Variants in QTGAL observed in about 807,000 individuals in gnomAD.
QTGAL encodes queuosine-tRNA galactosyltransferase.
the QTGAL span, among the ~76,000 whole-genome samples, chr17:82,960,197 AACCCCCCAGCCCC>A: frequency 6.6e-6 from 1 of 152,116 alleles, no homozygotes; most frequent in Non-Finnish European, 1.5e-5. Flanking sequence ...CCCTCCTGCC[AACCCCCCAGCCCC>A]ACCCCGTGAC....
At chr17:82,983,614 A>T in the QTGAL span, among the ~76,000 whole-genome samples, 1 of 152,168 alleles carries the variant, frequency 6.6e-6, no homozygotes, top group Admixed American at 6.5e-5. Flanking sequence ...TGCTGGGGGA[A>T]GGAAAGGAAC....
chr17:83,025,687 G>A, the QTGAL span, among the ~76,000 whole-genome samples: 942 of 144,952 alleles, frequency 6.5e-3, 16 homozygotes, highest in African/African-American at 0.024. Context: ...CCACACACAC[G>A]TAAGAAGAGC....
chr17:83,036,593 C>T, the QTGAL span, among the ~76,000 whole-genome samples: 17 of 152,290 alleles, frequency 1.1e-4, no homozygotes, highest in Middle Eastern at 3.4e-3. Flanking sequence ...TGTGGTTAAA[C>T]GCCAAAGGAA....
At chr17:83,043,731 G>T in the QTGAL span, among the ~76,000 whole-genome samples, 1 of 152,092 alleles carries the variant, frequency 6.6e-6, no homozygotes, top group Admixed American at 6.5e-5. Context: ...ATTCTTTGAA[G>T]AGGGTCAACA....
At chr17:82,942,188 A>G in the QTGAL span, 3 of 552,766 alleles carry the variant, frequency 5.4e-6, no homozygotes, top group Non-Finnish European at 9.5e-6. Context: ...AAAAATTTCA[A>G]ACGTGTGAAT....
At chr17:82,969,885 G>A in the QTGAL span, among the ~76,000 whole-genome samples, 1 of 151,784 alleles carries the variant, frequency 6.6e-6, no homozygotes. Context: ...TCACCATATT[G>A]CCCAGGCTGG....
the QTGAL span, among the ~76,000 whole-genome samples, chr17:82,984,588 G>GAGGACGCA: frequency 6.6e-6 from 1 of 151,484 alleles, no homozygotes; most frequent in African/African-American, 2.4e-5. Flanking sequence ...GAGGCTACAG[G>GAGGACGCA]GTCGTGCAGG....
the QTGAL span, among the ~76,000 whole-genome samples, chr17:82,999,237 G>A: frequency 1.4e-5 from 2 of 148,054 alleles, no homozygotes; most frequent in South Asian, 4.3e-4. Context: ...TATGTTCACT[G>A]TCATGCACAC....
chr17:82,972,213 C>G, the QTGAL span, among the ~76,000 whole-genome samples: 1 of 65,708 alleles, frequency 1.5e-5, no homozygotes, highest in Non-Finnish European at 2.7e-5. Context: ...GCCAGAAGGA[C>G]CTGGTGCCGA....
At chr17:82,944,672 C>T in the QTGAL span, 1 of 152,124 alleles carries the variant, frequency 6.6e-6, no homozygotes, top group Non-Finnish European at 1.5e-5. Context: ...AGCCAGTATC[C>T]CTGGGACCGG....
chr17:83,027,931 T>C, the QTGAL span, among the ~76,000 whole-genome samples: 1 of 151,310 alleles, frequency 6.6e-6, no homozygotes, highest in Non-Finnish European at 1.5e-5. Context: ...CTTGGCAACA[T>C]GGGGAAACCC....
At chr17:82,977,689 C>G in the QTGAL span, among the ~76,000 whole-genome samples, 4 of 152,046 alleles carry the variant, frequency 2.6e-5, no homozygotes, top group African/African-American at 9.7e-5. Context: ...GAAAATCACA[C>G]AGAATCTGTG....
At chr17:83,017,377 C>G in the QTGAL span, among the ~76,000 whole-genome samples, 4 of 152,130 alleles carry the variant, frequency 2.6e-5, 1 homozygote, top group African/African-American at 9.7e-5. Flanking sequence ...AATCCCAGCA[C>G]TTTGGGAGGC....
chr17:83,006,903 C>A, the QTGAL span: 1 of 837,962 alleles, frequency 1.2e-6, no homozygotes, highest in African/African-American at 1.8e-5. This position sits in a 1 kb window ranked among gnomAD's most constrained non-coding sequence, Gnocchi z 5.8. Context: ...TTTACAGGAA[C>A]TTCCAAACAG....
chr17:82,965,695 G>A, the QTGAL span: 6 of 1,612,372 alleles, frequency 3.7e-6, no homozygotes, highest in East Asian at 2.2e-5. Flanking sequence ...AACCACGCTC[G>A]CGAGCAGAAC....
chr17:82,993,193 A>C, the QTGAL span, among the ~76,000 whole-genome samples: 1 of 152,298 alleles, frequency 6.6e-6, no homozygotes, highest in African/African-American at 2.4e-5. Context: ...ATGGATTAAA[A>C]AACAAGACCC....
At chr17:83,051,341 G>A in the QTGAL span, among the ~76,000 whole-genome samples, 1 of 151,944 alleles carries the variant, frequency 6.6e-6, no homozygotes, top group East Asian at 2.0e-4. Context: ...GAAGGAGCGC[G>A]GGGCAGGCGG....
the QTGAL span, among the ~76,000 whole-genome samples, chr17:82,961,913 C>T: frequency 9.1e-3 from 1,391 of 152,332 alleles, 9 homozygotes; most frequent in Non-Finnish European, 0.014. Flanking sequence ...TGACCCCAAT[C>T]CTCAGCCCAG....
the QTGAL span, among the ~76,000 whole-genome samples, chr17:83,037,497 G>A: frequency 6.6e-6 from 1 of 152,358 alleles, no homozygotes; most frequent in South Asian, 2.1e-4. This position sits in a 1 kb window ranked among gnomAD's most constrained non-coding sequence, Gnocchi z 5.2. Context: ...ATAAACAGGC[G>A]CAGGGAGGAA....
Sources: allele counts gnomAD v4.1 joint callset (sites outside exome capture counted in the v4.1 genomes callset), GRCh38; gene constraint gnomAD v4.1.1; non-coding constraint Gnocchi (gnomAD v3.1); transcripts MANE v1.5; gene names NCBI Gene and HGNC (gene_info 2026-07-23, HGNC 2026-07-21).